The following KCNK10 variants were observed in gnomAD, a reference collection of about 807,000 sequenced individuals.
KCNK10 encodes potassium channel subfamily K member 10.
Under a neutral mutation model 47.7 loss-of-function variants are expected in KCNK10, and 25 were observed. That is an observed-to-expected ratio of 0.52 (90% confidence interval 0.38 to 0.73). The LOEUF (loss-of-function observed/expected upper bound fraction) is 0.73, where lower values mean the gene tolerates loss of function less well. Among genes scored for constraint, KCNK10 ranks in the 30% least tolerant of loss-of-function variants. The pLI is 0.00. For missense variants in KCNK10, 563 were observed against 714.5 expected, an observed-to-expected ratio of 0.79 and a Z score of 2.42; for synonymous variants, 303 against 285.6, an observed-to-expected ratio of 1.06 and a Z score of -0.61.
At chr14:88,201,739 T>C (rs1276811966) in intron 4 of KCNK10, among the ~76,000 whole-genome samples, 1 of 152,242 alleles carries the variant, frequency 6.6e-6, no homozygotes, top group South Asian at 2.1e-4. Flanking sequence ...TCCTGGCTTT[T>C]AATTGGTACA....
intron 1 of KCNK10, among the ~76,000 whole-genome samples, chr14:88,273,695 T>C (rs1887461439): frequency 1.3e-5 from 2 of 152,300 alleles, no homozygotes; most frequent in African/African-American, 4.8e-5. Flanking sequence ...GTTGACGAGA[T>C]GGACTTCTTT....
intron 1 of KCNK10, among the ~76,000 whole-genome samples, chr14:88,281,019 G>A (rs552463868): frequency 4.0e-5 from 6 of 149,774 alleles, no homozygotes; most frequent in South Asian, 2.1e-4. Flanking sequence ...GCCTCTCATC[G>A]TTGCATCTAG....
chr14:88,254,805 C>T (rs1238882985), intron 2 of KCNK10, among the ~76,000 whole-genome samples: 2 of 152,188 alleles, frequency 1.3e-5, no homozygotes, highest in African/African-American at 4.8e-5. Flanking sequence ...ATTTAATTTA[C>T]TTTATTCTAC....
chr14:88,263,067 T>C (rs894922393), intron 2 of KCNK10, 135 bp downstream of exon 2: 11 of 675,862 alleles, frequency 1.6e-5, no homozygotes, highest in Non-Finnish European at 1.7e-5. Context: ...AGCTCACATG[T>C]CACCTCCCTG....
intron 1 of KCNK10, among the ~76,000 whole-genome samples, chr14:88,281,488 G>T (rs1230028331): frequency 6.6e-6 from 1 of 152,090 alleles, no homozygotes; most frequent in Non-Finnish European, 1.5e-5. Context: ...GAACAAAATG[G>T]CTGACCTTCC....
chr14:88,254,227 T>A (rs1240962772), intron 2 of KCNK10, among the ~76,000 whole-genome samples: 3 of 152,116 alleles, frequency 2.0e-5, no homozygotes, highest in Admixed American at 6.5e-5. Context: ...GGGAGTGAGA[T>A]AACCTGCTCA....
chr14:88,297,340 T>C (rs1395716235), intron 1 of KCNK10, among the ~76,000 whole-genome samples: 1 of 152,186 alleles, frequency 6.6e-6, no homozygotes, highest in Non-Finnish European at 1.5e-5. Context: ...TGCCACTAGG[T>C]TGGAGATCTA....
intron 4 of KCNK10, 54 bp downstream of exon 4, chr14:88,227,321 G>A: frequency 6.9e-7 from 1 of 1,451,022 alleles, no homozygotes; most frequent in Non-Finnish European, 9.3e-7. Context: ...ATCCTGTCAG[G>A]CTAAAGCCAA....
At position 88,180,296 on chromosome 14, in the gene KCNK10, A is replaced by C. The variant is rs944157340; in HGVS notation, c.*5239T>G. 6.6e-6 allele frequency: 1 copy of C among 152,462 alleles called. No homozygotes were observed. The highest frequency in any genetic ancestry group is 1.5e-5 in the Non-Finnish European group (1 of 68,306). The allele number at this position is 152,462 out of a possible 1,614,324, so 9.4% of individuals were successfully genotyped here. A position where few individuals can be genotyped will look rare whatever the true frequency, so the allele number is the denominator to read the frequency against. ...TTTTCTGTAAAATGCCTTTTTTTTT[A>C]AAGCACCATGAAATCCTACGGAAAG... is the stretch of plus-strand genomic sequence containing the variant. On this transcript the variant is annotated 3_prime_UTR_variant, in exon 7 of 7. Coordinates refer to ENST00000319231, the MANE Select transcript of KCNK10 (RefSeq NM_138317.3).
chr14:88,316,917 T>A (rs1888440149), intron 1 of KCNK10, among the ~76,000 whole-genome samples: 1 of 152,214 alleles, frequency 6.6e-6, no homozygotes, highest in Admixed American at 6.5e-5. Flanking sequence ...GACTATATTA[T>A]ATTTTTTAAA....
intron 4 of KCNK10, among the ~76,000 whole-genome samples, chr14:88,221,562 G>A (rs1483312696): frequency 6.6e-6 from 1 of 152,154 alleles, no homozygotes; most frequent in African/African-American, 2.4e-5. Flanking sequence ...ATGCTGATGA[G>A]GATGTGGAGC....
chr14:88,192,067 G>T (rs1248650671), intron 5 of KCNK10, among the ~76,000 whole-genome samples, 157 bp downstream of exon 5: 2 of 152,178 alleles, frequency 1.3e-5, no homozygotes, highest in Non-Finnish European at 2.9e-5. Context: ...TATTACATAG[G>T]ACTAGGGATT....
At chr14:88,312,395 C>T (rs1160924071) in intron 1 of KCNK10, among the ~76,000 whole-genome samples, 2 of 152,226 alleles carry the variant, frequency 1.3e-5, no homozygotes, top group African/African-American at 4.8e-5. Context: ...TGTGTGTTTG[C>T]CGTCACCCCC....
chr14:88,289,578 T>C (rs954848093), intron 1 of KCNK10, among the ~76,000 whole-genome samples: 8 of 152,180 alleles, frequency 5.3e-5, no homozygotes, highest in African/African-American at 1.7e-4. Context: ...TGTGATCTGC[T>C]CCTCTTAAGC....
At position 88,185,799 on chromosome 14, in the gene KCNK10, G is replaced by A; in HGVS notation, c.1368C>T (p.Ser456=). The A allele has an allele frequency of 6.2e-7, 1 of 1,614,196 alleles. No homozygotes were observed. The highest frequency in any genetic ancestry group is 1.1e-5 in the South Asian group (1 of 91,082). The change falls in exon 7 of 7, where the codon TCC becomes TCT. Residue 456 remains serine (S), a synonymous_variant. Transcript: ENST00000319231. This position sits in a 1 kb window ranked among gnomAD's most constrained non-coding sequence, Gnocchi z 4.3. ...DNIINKFGST[S]RLTKRKNKDL... The stretch of plus-strand genomic sequence containing the variant: ...CCTTGTTTTTCCTCTTGGTGAGTCT[G>A]GAGGTGGACCCGAACTTGTTGATGA...
At chr14:88,247,293 T>C (rs1886672390) in intron 2 of KCNK10, among the ~76,000 whole-genome samples, 1 of 152,100 alleles carries the variant, frequency 6.6e-6, no homozygotes, top group African/African-American at 2.4e-5. Context: ...ACGTGTGCCT[T>C]TACCTCCCAC....
Position 88,238,780 on chromosome 14 carries a change from C to T in KCNK10, c.520+1923G>A, listed in dbSNP as rs112071129. On this transcript the variant is annotated intron_variant, in intron 3 of 6. Coordinates refer to ENST00000319231, the MANE Select transcript of KCNK10 (RefSeq NM_138317.3). Reference sequence around the variant, plus strand: ...TTCAGAGTTCAAAATGCCTTCCTCACCAATCTTAATTATTTCTAGATTTAC... The same window carrying T: ...TTCAGAGTTCAAAATGCCTTCCTCATCAATCTTAATTATTTCTAGATTTAC... Among the ~76,000 whole-genome samples, 1,418 of 152,334 alleles carry T rather than the reference C, an allele frequency of 9.3e-3. 29 individuals carry two copies. The highest frequency in any genetic ancestry group is 0.032 in the African/African-American group (1,350 of 41,572).
At chr14:88,301,652 G>A (rs202119798) in intron 1 of KCNK10, among the ~76,000 whole-genome samples, 12 of 145,872 alleles carry the variant, frequency 8.2e-5, no homozygotes, top group African/African-American at 1.3e-4. Context: ...AATCCTAGGA[G>A]AAAAAAAAAA....
upstream of KCNK10, among the ~76,000 whole-genome samples, chr14:88,326,029 C>T (rs1355409890): frequency 6.6e-6 from 1 of 152,094 alleles, no homozygotes; most frequent in African/African-American, 2.4e-5. Flanking sequence ...GCCTTGAAGA[C>T]TTGCACTAGT....
Sources: gnomAD v4.1 joint callset for allele counts (sites outside exome capture counted in the v4.1 genomes callset) on GRCh38, gnomAD v4.1.1 for gene constraint, Gnocchi (gnomAD v3.1) non-coding constraint, MANE v1.5 for transcripts, NCBI Gene and HGNC (gene_info 2026-07-23, HGNC 2026-07-21) for gene names.